The following SCARA5 variants were observed in gnomAD, a reference collection of about 807,000 sequenced individuals.
The protein encoded by SCARA5 is scavenger receptor class A member 5, also known as scavenger receptor class A, member 5 (putative).
Under a neutral mutation model 46.3 loss-of-function variants are expected in SCARA5, and 45 were observed. The ratio of observed to expected loss-of-function variants is 0.97; its 90% CI spans 0.76 to 1.24. SCARA5 has a LOEUF of 1.24. Among genes scored for constraint, SCARA5 ranks in the 50% most tolerant of loss-of-function variants. The probability of loss-of-function intolerance (pLI) is 0.00; values close to 1 mark genes in which losing one functional copy is unlikely to be tolerated. For missense variants in SCARA5, 680 were observed against 689.0 expected (o/e 0.99, Z 0.15); for synonymous variants, 333 against 306.5 (o/e 1.09, Z -0.90).
chr8:27,912,649 T>A (rs1474407938), intron 4 of SCARA5, among the ~76,000 whole-genome samples: 1 of 152,350 alleles, frequency 6.6e-6, no homozygotes, highest in Non-Finnish European at 1.5e-5. Flanking sequence ...CTGGGCTGGA[T>A]GCCCACCCCT....
intron 8 of SCARA5, among the ~76,000 whole-genome samples, chr8:27,877,101 C>A (rs1191469085): frequency 6.6e-6 from 1 of 152,150 alleles, no homozygotes; most frequent in Non-Finnish European, 1.5e-5. Flanking sequence ...GCTAGCCTGG[C>A]CCATGCTAGG....
At chr8:27,914,254 A>C (rs1807425275) in intron 4 of SCARA5, among the ~76,000 whole-genome samples, 1 of 152,216 alleles carries the variant, frequency 6.6e-6, no homozygotes, top group Non-Finnish European at 1.5e-5. Context: ...TGAGTCCATT[A>C]AACCTCTTTT....
intron 4 of SCARA5, among the ~76,000 whole-genome samples, chr8:27,916,842 G>A (rs1364647360): frequency 1.3e-5 from 2 of 152,128 alleles, no homozygotes; most frequent in Non-Finnish European, 2.9e-5. Context: ...CTGAGTGTTT[G>A]CATCCCCCCC....
At chr8:27,989,770 C>A (rs1808760436) in intron 1 of SCARA5, among the ~76,000 whole-genome samples, 2 of 152,220 alleles carry the variant, frequency 1.3e-5, no homozygotes, top group African/African-American at 4.8e-5. Flanking sequence ...GTTCACTGGG[C>A]TCCCAATTCC....
chr8:27,935,766 G>C (rs780894659), intron 3 of SCARA5, among the ~76,000 whole-genome samples: 138 of 152,240 alleles, frequency 9.1e-4, no homozygotes, highest in Non-Finnish European at 1.4e-3. Flanking sequence ...CAGCAGATAG[G>C]GGGAGAGCAG....
chr8:27,921,469 G>T, intron 4 of SCARA5, 102 bp downstream of exon 4: 1 of 959,368 alleles, frequency 1.0e-6, no homozygotes, highest in African/African-American at 1.7e-5. Flanking sequence ...ACTTGGGGAT[G>T]GGGTGGGGCT....
chr8:27,911,280 C>T (rs987729589), intron 4 of SCARA5, among the ~76,000 whole-genome samples: 1 of 152,152 alleles, frequency 6.6e-6, no homozygotes, highest in Admixed American at 6.5e-5. Flanking sequence ...TGACTGTGTC[C>T]CATCTTTCCT....
At chr8:27,891,313 C>G (rs1239958136) in intron 7 of SCARA5, among the ~76,000 whole-genome samples, 1 of 151,592 alleles carries the variant, frequency 6.6e-6, no homozygotes, top group African/African-American at 2.4e-5. Flanking sequence ...TCAAGTGATT[C>G]TCCTGCCTCA....
chr8:27,937,950 C>T (rs1404361753), intron 3 of SCARA5, among the ~76,000 whole-genome samples: 3 of 152,230 alleles, frequency 2.0e-5, no homozygotes, highest in Non-Finnish European at 2.9e-5. Context: ...TGCTGAGGCA[C>T]GGGGTGGGGA....
At chr8:27,990,729 C>T (rs1475357837) in intron 1 of SCARA5, among the ~76,000 whole-genome samples, 1 of 152,164 alleles carries the variant, frequency 6.6e-6, no homozygotes, top group Non-Finnish European at 1.5e-5. Context: ...CAGTGTACTC[C>T]AGCAGGTGGG....
intron 4 of SCARA5, among the ~76,000 whole-genome samples, chr8:27,919,128 A>C (rs557523429): frequency 7.6e-4 from 110 of 144,298 alleles, no homozygotes; most frequent in Middle Eastern, 7.5e-3. Flanking sequence ...AAGGAAGAAA[A>C]GGAGGAGAAG....
At position 27,987,529 on chromosome 8, in the gene SCARA5, C is replaced by T. The variant is rs1263796378; in HGVS notation, c.87G>A (p.Leu29=). 1.2e-6 allele frequency: 2 copies of T among 1,613,744 alleles called. No individual in the cohort carries two copies. Among genetic ancestry groups the T allele is most frequent in the Non-Finnish European group, 8.5e-7 (1 of 1,179,702 alleles). Residue 29 remains leucine (L), a synonymous_variant, in exon 2 of 9, where the codon CTG becomes CTA. Transcript: ENST00000354914. ...CATCCTCACACAGGTTCAGCTTGGA[C>T]AGGCTCCTGCCATCAAAGGAATCCT... ...ICEDSFDGRS[L]SKLNLCEDGP...
intron 3 of SCARA5, among the ~76,000 whole-genome samples, chr8:27,957,437 G>T (rs1215479301): frequency 6.6e-6 from 1 of 152,252 alleles, no homozygotes; most frequent in Non-Finnish European, 1.5e-5. Context: ...GAAGTGGGCA[G>T]AGTAATCCCT....
chr8:27,970,748 C>T (rs564518606), intron 2 of SCARA5, among the ~76,000 whole-genome samples: 26 of 152,288 alleles, frequency 1.7e-4, no homozygotes, highest in African/African-American at 6.3e-4. Context: ...TTGGGGCTTG[C>T]TCCTCCTGCA....
intron 1 of SCARA5, among the ~76,000 whole-genome samples, chr8:27,989,891 C>T (rs995224376): frequency 2.6e-5 from 4 of 152,222 alleles, no homozygotes; most frequent in African/African-American, 7.2e-5. Flanking sequence ...GCACTGTGTG[C>T]GGCAGCCCTC....
At chr8:27,896,130 G>C (rs1807060483) in intron 7 of SCARA5, among the ~76,000 whole-genome samples, 1 of 152,190 alleles carries the variant, frequency 6.6e-6, no homozygotes, top group African/African-American at 2.4e-5. Flanking sequence ...GAGTCAACAA[G>C]CATTTAAAAC....
intron 3 of SCARA5, among the ~76,000 whole-genome samples, chr8:27,933,315 A>C (rs2129849553): frequency 6.6e-6 from 1 of 151,826 alleles, no homozygotes; most frequent in African/African-American, 2.4e-5. Flanking sequence ...TAAGGTCAGG[A>C]GTTCGAGACC....
intron 8 of SCARA5, among the ~76,000 whole-genome samples, chr8:27,878,575 G>A (rs1344810554): frequency 6.6e-6 from 1 of 152,150 alleles, no homozygotes; most frequent in Non-Finnish European, 1.5e-5. Flanking sequence ...CAACCAAAAT[G>A]ATGAAGACTC....
intron 3 of SCARA5, among the ~76,000 whole-genome samples, chr8:27,930,946 G>T (rs924221915): frequency 6.6e-6 from 1 of 152,216 alleles, no homozygotes; most frequent in Non-Finnish European, 1.5e-5. Flanking sequence ...GAAGGGATGG[G>T]ACGGAACGCC....
Sources: allele counts gnomAD v4.1 joint callset (sites outside exome capture counted in the v4.1 genomes callset), GRCh38; gene constraint gnomAD v4.1.1; transcripts MANE v1.5; gene names NCBI Gene and HGNC (gene_info 2026-07-23, HGNC 2026-07-21).